The following NCOA6 variants were observed in gnomAD, a reference collection of about 807,000 sequenced individuals.
NCOA6 encodes the protein nuclear receptor coactivator 6.
NCOA6 carries 49 observed loss-of-function variants against 171.4 expected under a neutral mutation model. The observed-to-expected ratio is 0.29, with a 90% CI of 0.23 to 0.36. NCOA6 has a LOEUF of 0.36. Among genes scored for constraint, NCOA6 ranks in the 10% least tolerant of loss-of-function variants. The pLI, the probability that NCOA6 is intolerant of heterozygous loss-of-function variation, is 1.00. For synonymous variants in NCOA6, 910 were observed against 927.5 expected (o/e 0.98, Z 0.34); for missense variants, 2,248 against 2,554.5 (o/e 0.88, Z 2.59).
intron 2 of NCOA6, among the ~76,000 whole-genome samples, chr20:34,788,290 C>T (rs2077751995): frequency 6.6e-6 from 1 of 152,184 alleles, no homozygotes; most frequent in Non-Finnish European, 1.5e-5. Flanking sequence ...TCTTGAACTC[C>T]TGACCTCAGG....
rs990731271 is a variant in NCOA6 at position 34,802,368 on chromosome 20, G to A, written c.-163-9805C>T. 5.3e-5 allele frequency among the ~76,000 whole-genome samples: 8 copies of A among 152,282 alleles called. 1 individual carries two copies. In the South Asian group the frequency reaches 1.7e-3, roughly 32 times the overall value. ...TGTAATCCCAGCACTTTGGGAGGCC[G>A]AGGCAGTCGGATCACGAGGTTAGGA... On this transcript the variant is annotated intron_variant, in intron 1 of 14. Coordinates refer to ENST00000359003, the MANE Select transcript of NCOA6 (RefSeq NM_014071.5).
At chr20:34,785,741 A>C (rs1245322776) in intron 2 of NCOA6, among the ~76,000 whole-genome samples, 6 of 152,192 alleles carry the variant, frequency 3.9e-5, no homozygotes, top group Non-Finnish European at 7.3e-5. Flanking sequence ...CTAACTAAAA[A>C]GCCTGGACTT....
intron 14 of NCOA6, among the ~76,000 whole-genome samples, chr20:34,718,552 C>T (rs2146898719): frequency 6.6e-6 from 1 of 151,430 alleles, no homozygotes; most frequent in East Asian, 1.9e-4. Flanking sequence ...GTCGCCCAGG[C>T]TGGAGTGCAG....
chr20:34,779,845 AC>A (rs1401493944), intron 3 of NCOA6, among the ~76,000 whole-genome samples: 2 of 151,910 alleles, frequency 1.3e-5, no homozygotes, highest in Non-Finnish European at 2.9e-5. Flanking sequence ...GGAAAAAAAA[AC>A]AGGGAAAACT....
At chr20:34,772,882 C>A (rs2077194356) in intron 4 of NCOA6, among the ~76,000 whole-genome samples, 1 of 152,170 alleles carries the variant, frequency 6.6e-6, no homozygotes, top group African/African-American at 2.4e-5. Context: ...AATTATAATT[C>A]TATTTCTACT....
chr20:34,813,174 C>A (rs563503533), intron 1 of NCOA6, among the ~76,000 whole-genome samples: 1,540 of 144,346 alleles, frequency 0.011, 37 homozygotes, highest in African/African-American at 0.038. Flanking sequence ...AAAAAAAAAA[C>A]AAAAAAATAG....
chr20:34,727,150 C>T (rs1990057076), intron 14 of NCOA6, 109 bp downstream of exon 14: 1 of 1,313,768 alleles, frequency 7.6e-7, no homozygotes, highest in Admixed American at 2.2e-5. Context: ...AGACACTTGA[C>T]AGACTTCAGG....
At chr20:34,747,732 T>C (rs886225582) in intron 9 of NCOA6, among the ~76,000 whole-genome samples, 1 of 152,310 alleles carries the variant, frequency 6.6e-6, no homozygotes, top group South Asian at 2.1e-4. Context: ...GCCACAAAAA[T>C]CCACTTTAAA....
chr20:34,742,891 G>C lies in NCOA6; in HGVS notation c.3365C>G (p.Ser1122Cys), dbSNP rs1428746736. ...GGCCATCTCCGCCAGTGGCGAGCTG[G>C]AAGGATTCTGCGGGCTCTCCTGATA... ...MVYQESPQNP[S>C]SSPLAEMASL... Residue 1122 changes from serine (S) to cysteine (C), a missense_variant, in exon 11 of 15, where the codon TCC becomes TGC. Transcript: ENST00000359003. 1 of 1,614,106 alleles carries C rather than the reference G, an allele frequency of 6.2e-7. No individual in the cohort carries two copies. Among genetic ancestry groups the C allele is most frequent in the Non-Finnish European group, 8.5e-7 (1 of 1,180,046 alleles).
chr20:34,720,702 G>C (rs1989211485), intron 14 of NCOA6, among the ~76,000 whole-genome samples: 1 of 152,190 alleles, frequency 6.6e-6, no homozygotes, highest in African/African-American at 2.4e-5. Flanking sequence ...TTTACACAGT[G>C]CTGATTCTGC....
In NCOA6 at chr20:34,740,743, G is replaced by C. The variant is rs746922666; in HGVS notation, c.5513C>G (p.Ser1838Cys). The change falls in exon 11 of 15, where the codon TCT becomes TGT. Residue 1838 changes from serine (S) to cysteine (C), a missense_variant. Ser to Cys is a moderately radical substitution (Grantham distance 112). Coordinates refer to ENST00000359003, the MANE Select transcript of NCOA6 (RefSeq NM_014071.5). The stretch of plus-strand genomic sequence containing the variant: ...ATATTGTTCTTCCCCTTTCTCAAGA[G>C]AGCCTGTAACTTTCTTACATGCCTT... ...LTKACKKVTG[S>C]LEKGEEQYGA... 3.7e-6 allele frequency: 6 copies of C among 1,614,198 alleles called. No homozygotes were observed. The East Asian group carries it at 6.7e-5, about 18-fold the overall frequency.
intron 1 of NCOA6, among the ~76,000 whole-genome samples, chr20:34,809,272 T>C (rs952026296): frequency 1.3e-5 from 2 of 152,212 alleles, no homozygotes; most frequent in African/African-American, 2.4e-5. Flanking sequence ...TCTTATTTAA[T>C]TTAGTCAGTT....
At chr20:34,733,850 CAAAA>C (rs60649247) in intron 12 of NCOA6, among the ~76,000 whole-genome samples, 175 of 44,386 alleles carry the variant, frequency 3.9e-3, no homozygotes, top group African/African-American at 0.016. Context: ...GACTCTGTCC[CAAAA>C]AAAAAAAAAA....
intron 5 of NCOA6, among the ~76,000 whole-genome samples, chr20:34,766,638 G>A (rs2145941560): frequency 6.6e-6 from 1 of 152,224 alleles, no homozygotes; most frequent in South Asian, 2.1e-4. Flanking sequence ...ACTAGCCCAA[G>A]AGAGCTTTTA....
chr20:34,817,132 C>A (rs1372793530), intron 1 of NCOA6, among the ~76,000 whole-genome samples: 2,830 of 85,924 alleles, frequency 0.033, 306 homozygotes, highest in Middle Eastern at 0.057. Flanking sequence ...CACACACACA[C>A]AAAAAAGCAA....
At chr20:34,814,796 T>C (rs1188629779) in intron 1 of NCOA6, among the ~76,000 whole-genome samples, 2 of 152,180 alleles carry the variant, frequency 1.3e-5, no homozygotes, top group African/African-American at 4.8e-5. Context: ...TTCACCATGT[T>C]GGCCAGGCTG....
chr20:34,754,681 T>C, intron 8 of NCOA6, 41 bp downstream of exon 8: 1 of 1,612,770 alleles, frequency 6.2e-7, no homozygotes, highest in East Asian at 2.2e-5. Flanking sequence ...TACGACACAA[T>C]GCTCAATAAA....
chr20:34,769,511 C>T (rs1464211092), intron 4 of NCOA6, among the ~76,000 whole-genome samples: 1 of 151,592 alleles, frequency 6.6e-6, no homozygotes, highest in Non-Finnish European at 1.5e-5. Context: ...TTACAGGCGC[C>T]CACCACCACG....
intron 14 of NCOA6, among the ~76,000 whole-genome samples, chr20:34,715,804 G>A (rs926417780): frequency 4.6e-5 from 7 of 152,154 alleles, no homozygotes; most frequent in Admixed American, 4.6e-4. Flanking sequence ...GATCCCTTTT[G>A]GAGCCAAGCT....
Sources: gnomAD v4.1 joint callset for allele counts (sites outside exome capture counted in the v4.1 genomes callset) on GRCh38, gnomAD v4.1.1 for gene constraint, MANE v1.5 for transcripts, NCBI Gene and HGNC (gene_info 2026-07-23, HGNC 2026-07-21) for gene names.